The following ANK3 variants were observed in gnomAD, a reference collection of about 807,000 sequenced individuals.
ANK3 encodes ankyrin-3.
Under a neutral mutation model 370.9 loss-of-function variants are expected in ANK3, and 57 were observed. The ratio of observed to expected loss-of-function variants is 0.15; its 90% CI spans 0.12 to 0.19. The LOEUF is 0.19. Among genes scored for constraint, ANK3 ranks in the 10% least tolerant of loss-of-function variants. The pLI, the probability that ANK3 is intolerant of heterozygous loss-of-function variation, is 1.00. For synonymous variants in ANK3, 1,929 were observed against 1,946.3 expected (o/e 0.99, Z 0.23); for missense variants, 4,439 against 5,302.1 (o/e 0.84, Z 5.06).
intron 25 of ANK3, among the ~76,000 whole-genome samples, chr10:60,125,671 G>A (rs751541075): frequency 1.3e-5 from 2 of 152,250 alleles, no homozygotes; most frequent in East Asian, 1.9e-4. Flanking sequence ...ATCTGCCGAC[G>A]GGTGTGGGAG....
chr10:60,265,191 T>C (rs2097859243), intron 5 of ANK3, among the ~76,000 whole-genome samples: 1 of 152,070 alleles, frequency 6.6e-6, no homozygotes, highest in Non-Finnish European at 1.5e-5. Context: ...GTGCAATAAA[T>C]TTCAAAAAAA....
intron 16 of ANK3, 115 bp downstream of exon 16, chr10:60,196,030 T>C: frequency 5.9e-6 from 5 of 846,804 alleles, no homozygotes; most frequent in Non-Finnish European, 7.4e-6. Context: ...ATTTCTGTGA[T>C]TTTTTAGTGG....
intron 2 of ANK3, among the ~76,000 whole-genome samples, chr10:60,545,918 G>A (rs1235524725): frequency 6.6e-6 from 1 of 152,138 alleles, no homozygotes; most frequent in African/African-American, 2.4e-5. Context: ...CAGCCCAGAG[G>A]GACTGAGAGA....
intron 1 of ANK3, among the ~76,000 whole-genome samples, chr10:60,732,732 G>A (rs1261223516): frequency 6.6e-6 from 1 of 151,952 alleles, no homozygotes; most frequent in Non-Finnish European, 1.5e-5. Context: ...AACTCTGAAG[G>A]TAACTTTCAG....
intron 1 of ANK3, chr10:60,685,304 C>T (rs997598483): frequency 4.9e-6 from 1 of 203,246 alleles, no homozygotes; most frequent in African/African-American, 2.4e-5. Context: ...TTTGGTACTA[C>T]CATTTGGGGA....
rs548517793 is a variant in ANK3 at position 60,071,740 on chromosome 10, T to C, written c.9141A>G (p.Lys3047=). The change falls in exon 37 of 44, where the codon AAA becomes AAG. Residue 3047 remains lysine (K), a synonymous_variant. Coordinates refer to ENST00000280772, the MANE Select transcript of ANK3 (RefSeq NM_020987.5). ...GGCTAAACTCTAAAGAATCAGGAGA[T>C]TTGGTGGGGGAGGTTTCGGTTTCCT... ...PLEETETSPT[K]SPDSLEFSPG... The C allele has an allele frequency of 1.3e-6, 2 of 1,597,856 alleles. No individual in the cohort carries two copies. Among genetic ancestry groups the C allele is most frequent in the South Asian group, 2.3e-5 (2 of 87,376 alleles).
intron 1 of ANK3, among the ~76,000 whole-genome samples, chr10:60,642,233 A>G (rs1358488591): frequency 6.6e-6 from 1 of 151,468 alleles, no homozygotes; most frequent in Non-Finnish European, 1.5e-5. Flanking sequence ...GTGATTCCTC[A>G]GGGATCTAGA....
intron 1 of ANK3, among the ~76,000 whole-genome samples, chr10:60,332,390 A>C (rs2051575361): frequency 6.6e-6 from 1 of 152,200 alleles, no homozygotes; most frequent in Admixed American, 6.5e-5. Flanking sequence ...ACATATTCTA[A>C]TGCAAAGTAT....
intron 1 of ANK3, among the ~76,000 whole-genome samples, chr10:60,694,014 G>T (rs2079401735): frequency 6.6e-6 from 1 of 152,038 alleles, no homozygotes; most frequent in South Asian, 2.1e-4. Context: ...AAATTTAGAA[G>T]AATGTACAAC....
intron 2 of ANK3, among the ~76,000 whole-genome samples, chr10:60,413,344 T>C (rs1028192547): frequency 9.9e-5 from 15 of 152,264 alleles, no homozygotes; most frequent in African/African-American, 3.6e-4. Context: ...TTTATGTTAC[T>C]ACCTGTAAAA....
chr10:60,513,456 G>C lies in ANK3; in HGVS notation c.96+101730C>G, dbSNP rs2076139134. On this transcript the variant is annotated intron_variant, in intron 2 of 43. Coordinates refer to the ANK3 transcript ENST00000373827. ...CACTCTAGGTTGGCAGTGAGAACCA[G>C]GGAGACTTTTTTGAGGAAGTGAAAC... 2.0e-5 allele frequency among the ~76,000 whole-genome samples: 3 copies of C among 152,226 alleles called. No individual in the cohort carries two copies. In the South Asian group the frequency reaches 6.2e-4, roughly 32 times the overall value.
chr10:60,230,036 G>A (rs964837638), intron 8 of ANK3, among the ~76,000 whole-genome samples: 15 of 152,118 alleles, frequency 9.9e-5, no homozygotes, highest in African/African-American at 3.1e-4. Flanking sequence ...CAACACTACC[G>A]GGGATTCTGC....
Position 60,584,002 on chromosome 10 carries a change from C to T in ANK3, c.96+31184G>A, listed in dbSNP as rs1445351028. 3.9e-5 allele frequency among the ~76,000 whole-genome samples: 6 copies of T among 152,118 alleles called. No individual in the cohort carries two copies. In the East Asian group the frequency reaches 1.2e-3, roughly 29 times the overall value. On this transcript the variant is annotated intron_variant, in intron 2 of 43. Coordinates refer to the ANK3 transcript ENST00000373827. ...ACATGTATGGAACCATCACATTGTA[C>T]CCCCAAAATATGTATGATTATGTGT...
intron 2 of ANK3, among the ~76,000 whole-genome samples, chr10:60,452,325 C>G (rs545431398): frequency 6.6e-6 from 1 of 152,208 alleles, no homozygotes; most frequent in Non-Finnish European, 1.5e-5. Flanking sequence ...ACCCTCAGCA[C>G]GAGAGTTGCT....
At chr10:60,103,684 G>GA (rs2091701114) in intron 28 of ANK3, among the ~76,000 whole-genome samples, 1 of 152,146 alleles carries the variant, frequency 6.6e-6, no homozygotes, top group Admixed American at 6.5e-5. Context: ...TCTGTGCCTT[G>GA]AAAATTCCAT....
rs537711980 is a variant in ANK3, at chr10:60,336,090, C to CTGGGG, written c.114+53334_114+53335insCCCCA. Reference sequence around the variant, plus strand: ...TGAGAGGATTTTTAACATAGTTTGGCGGGGGGGGGAAGCTGGTGCCAAGGA... The same window carrying CTGGGG: ...TGAGAGGATTTTTAACATAGTTTGGCTGGGGGGGGGGGGGAAGCTGGTGCCAAGGA... On this transcript the variant is annotated intron_variant, in intron 1 of 43. Transcript: ENST00000280772. 5.4e-4 allele frequency among the ~76,000 whole-genome samples: 81 copies of CTGGGG among 148,776 alleles called. 1 individual carries two copies. The highest frequency in any genetic ancestry group is 2.0e-3 in the African/African-American group (77 of 39,380).
chr10:60,636,568 G>C (rs1032840918), intron 1 of ANK3, among the ~76,000 whole-genome samples: 3 of 152,184 alleles, frequency 2.0e-5, no homozygotes, highest in Non-Finnish European at 4.4e-5. Flanking sequence ...TTATTAGTAA[G>C]AGCCCAGACA....
At chr10:60,578,459 T>C (rs1289175240) in intron 2 of ANK3, among the ~76,000 whole-genome samples, 3 of 152,214 alleles carry the variant, frequency 2.0e-5, no homozygotes. Flanking sequence ...CCTAAATCCA[T>C]GTGTTTTACT....
chr10:60,287,098 G>A (rs531770068), intron 1 of ANK3, among the ~76,000 whole-genome samples: 3 of 152,206 alleles, frequency 2.0e-5, no homozygotes, highest in Admixed American at 1.3e-4. Context: ...CCAGGTTAAT[G>A]TGGGGTCTCT....
Sources: allele counts gnomAD v4.1 joint callset (sites outside exome capture counted in the v4.1 genomes callset), GRCh38; gene constraint gnomAD v4.1.1; transcripts MANE v1.5; gene names NCBI Gene and HGNC (gene_info 2026-07-23, HGNC 2026-07-21).